ERC2: variants seen among roughly 807,000 people sequenced by gnomAD.
ERC2 encodes ERC protein 2.
In ERC2, 42 loss-of-function variants were observed where a neutral mutation model predicts 114.8. The observed-to-expected ratio is 0.37, with a 90% CI of 0.29 to 0.47. ERC2 has a LOEUF of 0.47. ERC2 is among the 20% of genes least tolerant of loss of function. The pLI, the probability that ERC2 is intolerant of heterozygous loss-of-function variation, is 0.99. For synonymous variants in ERC2, 454 were observed against 425.5 expected (o/e 1.07, Z -0.82); for missense variants, 939 against 1,150.7 (o/e 0.82, Z 2.66).
chr3:56,102,230 C>T (rs1195241658), intron 6 of ERC2, among the ~76,000 whole-genome samples: 1 of 152,138 alleles, frequency 6.6e-6, no homozygotes, highest in Admixed American at 6.5e-5. Context: ...GGCAGCCACA[C>T]CTCATCCCAT....
Position 56,019,540 on chromosome 3 carries a change from G to A in ERC2, c.1642-509C>T, listed in dbSNP as rs554533145. Among the ~76,000 whole-genome samples the A allele has an allele frequency of 1.3e-5, 2 of 152,280 alleles. 1 individual carries two copies. Among genetic ancestry groups the A allele is most frequent in the East Asian group, 3.9e-4 (2 of 5,188 alleles). On this transcript the variant is annotated intron_variant, in intron 7 of 17. Coordinates refer to ENST00000288221, the MANE Select transcript of ERC2 (RefSeq NM_015576.3). Reference sequence around the variant, plus strand: ...ATATGCCAAATGTTGTCAAGTGGCTGTTTCAAAGTAACCACATGAAAAGCC... The same window carrying A: ...ATATGCCAAATGTTGTCAAGTGGCTATTTCAAAGTAACCACATGAAAAGCC...
At chr3:55,962,817 T>C (rs1459677767) in intron 12 of ERC2, among the ~76,000 whole-genome samples, 1 of 152,220 alleles carries the variant, frequency 6.6e-6, no homozygotes, top group Non-Finnish European at 1.5e-5. Flanking sequence ...CAACCAACTG[T>C]GCAGAATGTT....
At chr3:56,054,506 A>G (rs1211161554) in intron 7 of ERC2, among the ~76,000 whole-genome samples, 1 of 152,214 alleles carries the variant, frequency 6.6e-6, no homozygotes, top group Non-Finnish European at 1.5e-5. Context: ...TTGGCTATAT[A>G]ACGTATCAAA....
At chr3:56,441,690 C>T (rs1482657023) in intron 1 of ERC2, among the ~76,000 whole-genome samples, 3 of 151,864 alleles carry the variant, frequency 2.0e-5, no homozygotes, top group South Asian at 4.2e-4. Flanking sequence ...CTGCAACCTC[C>T]GCCTCCCGGG....
intron 6 of ERC2, among the ~76,000 whole-genome samples, chr3:56,110,482 T>C (rs574357868): frequency 9.8e-4 from 149 of 152,258 alleles, no homozygotes; most frequent in African/African-American, 3.4e-3. Flanking sequence ...GGCACAAGTT[T>C]AATGACAAAA....
At chr3:56,040,791 GATATATAT>G (rs1256373428) in intron 7 of ERC2, among the ~76,000 whole-genome samples, 12 of 145,514 alleles carry the variant, frequency 8.2e-5, no homozygotes, top group Middle Eastern at 3.9e-3. Context: ...GATATATATA[GATATATAT>G]AGAGAGATAC....
chr3:55,595,581 C>T (rs1033249386), intron 17 of ERC2, among the ~76,000 whole-genome samples: 6 of 152,216 alleles, frequency 3.9e-5, no homozygotes, highest in African/African-American at 7.2e-5. Flanking sequence ...CATTAAGGCT[C>T]TCTGCAGAAG....
In ERC2 at chr3:56,078,992, T is replaced by C. The variant is rs147427199; in HGVS notation, c.1641+1825A>G. Among the ~76,000 whole-genome samples the C allele has an allele frequency of 1.6e-3, 239 of 152,090 alleles. 2 individuals carry two copies. The highest frequency in any genetic ancestry group is 5.5e-3 in the African/African-American group (228 of 41,526). On this transcript the variant is annotated intron_variant, in intron 7 of 17. Transcript: ENST00000288221. ...GAATGTGGGTGGTCATGCAATTTTA[T>C]GCAGGATGGACAAAAAAGGCCTGTA...
chr3:55,735,457 A>T (rs1368128565), intron 14 of ERC2, among the ~76,000 whole-genome samples: 2 of 152,204 alleles, frequency 1.3e-5, no homozygotes, highest in Non-Finnish European at 2.9e-5. Context: ...CCAAAGTAGA[A>T]GGACAAGTGA....
chr3:56,177,017 C>A (rs1560312386), intron 3 of ERC2, among the ~76,000 whole-genome samples: 1 of 152,140 alleles, frequency 6.6e-6, no homozygotes, highest in Non-Finnish European at 1.5e-5. Flanking sequence ...GATGGTGTAG[C>A]CTCAAGATAG....
chr3:55,550,835 T>C (rs1409995920), intron 17 of ERC2, among the ~76,000 whole-genome samples: 1 of 151,840 alleles, frequency 6.6e-6, no homozygotes, highest in South Asian at 2.1e-4. Context: ...GCTAACACGG[T>C]GAAACCCCAT....
At chr3:56,143,425 T>C (rs2080973117) in intron 5 of ERC2, among the ~76,000 whole-genome samples, 1 of 152,166 alleles carries the variant, frequency 6.6e-6, no homozygotes, top group African/African-American at 2.4e-5. Context: ...AGGAGGTAAT[T>C]GAATCATGGG....
At chr3:56,437,802 G>T (rs191280605) in intron 1 of ERC2, among the ~76,000 whole-genome samples, 78 of 152,346 alleles carry the variant, frequency 5.1e-4, no homozygotes, top group Non-Finnish European at 1.0e-3. Flanking sequence ...TAATGGAATA[G>T]TGGAACAGGC....
At chr3:55,751,886 A>G (rs1417656001) in intron 14 of ERC2, among the ~76,000 whole-genome samples, 1 of 152,234 alleles carries the variant, frequency 6.6e-6, no homozygotes, top group Non-Finnish European at 1.5e-5. Flanking sequence ...GATTGCAAGC[A>G]AAAGAAACTA....
intron 2 of ERC2, among the ~76,000 whole-genome samples, chr3:56,396,283 G>A (rs1472149069): frequency 2.0e-5 from 3 of 152,098 alleles, no homozygotes; most frequent in Non-Finnish European, 2.9e-5. Context: ...ATAAAAGATT[G>A]GTTAAATAAA....
intron 6 of ERC2, among the ~76,000 whole-genome samples, chr3:56,126,387 T>A (rs2079864705): frequency 6.6e-6 from 1 of 152,204 alleles, no homozygotes; most frequent in South Asian, 2.1e-4. Context: ...AAAAAGCATT[T>A]GAAGAAGTTT....
At chr3:55,633,643 T>C (rs2059842637) in intron 17 of ERC2, among the ~76,000 whole-genome samples, 1 of 152,172 alleles carries the variant, frequency 6.6e-6, no homozygotes, top group Non-Finnish European at 1.5e-5. Flanking sequence ...CAAATACTTA[T>C]AGAGTGCCTG....
At chr3:56,089,143 A>C (rs1413986746) in intron 6 of ERC2, among the ~76,000 whole-genome samples, 2 of 152,200 alleles carry the variant, frequency 1.3e-5, no homozygotes, top group African/African-American at 2.4e-5. Flanking sequence ...ACTGGGAATA[A>C]GTCCTCCAGA....
intron 17 of ERC2, chr3:55,657,540 C>G (rs1019533488): frequency 6.6e-6 from 1 of 152,182 alleles, no homozygotes; most frequent in African/African-American, 2.4e-5. Context: ...ACTGGAATCT[C>G]TGCTTCCTGG....
Sources: allele counts gnomAD v4.1 joint callset (sites outside exome capture counted in the v4.1 genomes callset), GRCh38; gene constraint gnomAD v4.1.1; transcripts MANE v1.5; gene names NCBI Gene and HGNC (gene_info 2026-07-23, HGNC 2026-07-21).